Variants in STOX1 observed in about 807,000 individuals in gnomAD.
The protein encoded by STOX1 is storkhead box 1, also known as storkhead-box protein 1.
In STOX1, 57 loss-of-function variants were observed where a neutral mutation model predicts 74.8. That is an observed-to-expected ratio of 0.76 (90% CI 0.62 to 0.95). STOX1 has a LOEUF of 0.95. STOX1 is among the 40% of genes least tolerant of loss of function. The pLI is 0.00. For synonymous variants in STOX1, 375 were observed against 401.3 expected (o/e 0.93, Z 0.78); for missense variants, 1,010 against 1,117.0 (o/e 0.90, Z 1.37).
chr10:68,860,953 A>G (rs1840253362), intron 1 of STOX1, among the ~76,000 whole-genome samples: 1 of 152,070 alleles, frequency 6.6e-6, no homozygotes, highest in Non-Finnish European at 1.5e-5. Flanking sequence ...TCACACCTGT[A>G]ATCCCAGCTC....
At position 68,886,407 on chromosome 10, in the gene STOX1, C is replaced by A. The variant is rs763974347; in HGVS notation, c.2611C>A (p.Gln871Lys). The part of the protein sequence containing the change: ...RKASFEAEVI[Q>K]DTIGDTGKKP... ...AGCCAGTTTTGAAGCTGAAGTCATA[C>A]AAGACACTATTGGTGACACAGGAAA... Residue 871 changes from glutamine (Q) to lysine (K), a missense_variant, in exon 3 of 4, where the codon CAA (glutamine) becomes AAA (lysine). Coordinates refer to ENST00000298596, the MANE Select transcript of STOX1 (RefSeq NM_152709.5). 30 of 1,614,082 alleles carry A rather than the reference C, an allele frequency of 1.9e-5. No homozygotes were observed. The highest frequency in any genetic ancestry group is 2.5e-5 in the Non-Finnish European group (30 of 1,180,042).
At chr10:68,871,460 ACTC>A (rs1190767264) in intron 1 of STOX1, among the ~76,000 whole-genome samples, 20 of 151,982 alleles carry the variant, frequency 1.3e-4, no homozygotes, top group African/African-American at 4.8e-4. Context: ...ATTACTAAGG[ACTC>A]CTGCTGTTGA....
chr10:68,887,400 A>G (rs2132001383), intron 3 of STOX1, among the ~76,000 whole-genome samples: 1 of 152,148 alleles, frequency 6.6e-6, no homozygotes, highest in Middle Eastern at 3.4e-3. Context: ...CTCCTATCTC[A>G]TCCTCCCGAG....
chr10:68,894,381 C>G (rs1484830460), downstream of STOX1, among the ~76,000 whole-genome samples: 1 of 152,134 alleles, frequency 6.6e-6, no homozygotes, highest in Non-Finnish European at 1.5e-5. Context: ...CTGACTCTCA[C>G]CATACTGACA....
chr10:68,862,914 A>G (rs943128391), intron 1 of STOX1, among the ~76,000 whole-genome samples: 2 of 152,092 alleles, frequency 1.3e-5, no homozygotes, highest in African/African-American at 4.8e-5. Context: ...TGAGGGCGGT[A>G]TGCCTCAATT....
intron 1 of STOX1, among the ~76,000 whole-genome samples, chr10:68,863,941 C>CT (rs1589227688): frequency 7.4e-6 from 1 of 135,854 alleles, no homozygotes; most frequent in East Asian, 2.1e-4. Flanking sequence ...TTTTTTTTCT[C>CT]TGAGACAAAG....
At chr10:68,833,851 C>T (rs150915747) in intron 1 of STOX1, among the ~76,000 whole-genome samples, 2,054 of 152,324 alleles carry the variant, frequency 0.013, 26 homozygotes, top group South Asian at 0.022. Context: ...TGAGCCATTG[C>T]ACCCGGCCCG....
At chr10:68,886,654 C>T (rs374329851) in intron 3 of STOX1, 36 bp downstream of exon 3, 112 of 1,592,362 alleles carry the variant, frequency 7.0e-5, no homozygotes, top group African/African-American at 4.7e-4. Flanking sequence ...TTAGGCCGGG[C>T]GCAGTGGCTC....
At chr10:68,837,136 C>G (rs1839577137) in intron 1 of STOX1, among the ~76,000 whole-genome samples, 4 of 152,128 alleles carry the variant, frequency 2.6e-5, no homozygotes, top group Admixed American at 2.6e-4. Context: ...GTCTAGGGAG[C>G]AGATGGATGA....
chr10:68,873,641 CT>C (rs1306258176), intron 1 of STOX1, among the ~76,000 whole-genome samples: 4 of 70,294 alleles, frequency 5.7e-5, no homozygotes, highest in South Asian at 4.8e-4. Flanking sequence ...TCTTCTTCTT[CT>C]TTTTTTTTCT....
At chr10:68,846,119 T>TTTATTATTATTA (rs201726154) in intron 1 of STOX1, among the ~76,000 whole-genome samples, 5,477 of 135,750 alleles carry the variant, frequency 0.04, 126 homozygotes, top group Non-Finnish European at 0.05. Flanking sequence ...GCTTGAGGTT[T>TTTATTATTATTA]TTATTATTAT....
intron 1 of STOX1, among the ~76,000 whole-genome samples, chr10:68,863,275 G>A (rs189123723): frequency 9.9e-5 from 15 of 152,230 alleles, no homozygotes; most frequent in African/African-American, 3.6e-4. Flanking sequence ...AGCCCTTGCT[G>A]AAGGAATACT....
intron 1 of STOX1, among the ~76,000 whole-genome samples, chr10:68,868,963 G>A (rs1840471692): frequency 6.6e-6 from 1 of 152,162 alleles, no homozygotes; most frequent in African/African-American, 2.4e-5. Context: ...CTCAAAGAGG[G>A]TACACTGACA....
intron 1 of STOX1, among the ~76,000 whole-genome samples, chr10:68,841,842 C>T (rs1038966403): frequency 2.6e-5 from 4 of 152,144 alleles, no homozygotes; most frequent in African/African-American, 9.7e-5. Flanking sequence ...TGGAGGCGTT[C>T]CTGGGAAACT....
chr10:68,858,014 G>T (rs187076601), intron 1 of STOX1, among the ~76,000 whole-genome samples: 10 of 152,232 alleles, frequency 6.6e-5, no homozygotes, highest in African/African-American at 2.2e-4. Flanking sequence ...ATTTAAAAGA[G>T]ATGTTGGAGC....
intron 3 of STOX1, among the ~76,000 whole-genome samples, chr10:68,891,467 G>T (rs1841095199): frequency 1.3e-5 from 2 of 152,134 alleles, no homozygotes; most frequent in Admixed American, 1.3e-4. Flanking sequence ...TAATGTAATG[G>T]ACAGTTGATG....
intron 1 of STOX1, among the ~76,000 whole-genome samples, chr10:68,838,698 C>T (rs1448943367): frequency 6.6e-6 from 1 of 152,058 alleles, no homozygotes; most frequent in Non-Finnish European, 1.5e-5. Flanking sequence ...ATCATGAGGT[C>T]AGGAGATTGA....
chr10:68,830,438 G>T (rs1403042012), intron 1 of STOX1, among the ~76,000 whole-genome samples: 1 of 152,110 alleles, frequency 6.6e-6, no homozygotes, highest in Non-Finnish European at 1.5e-5. Context: ...CACCTCCTGG[G>T]TTCAAGTGCT....
chr10:68,868,298 C>A (rs1289170881), intron 1 of STOX1, among the ~76,000 whole-genome samples: 1 of 152,216 alleles, frequency 6.6e-6, no homozygotes, highest in Non-Finnish European at 1.5e-5. Context: ...AGATAAACAT[C>A]GTTTCTGCAG....
Sources: gnomAD v4.1 joint callset for allele counts (sites outside exome capture counted in the v4.1 genomes callset) on GRCh38, gnomAD v4.1.1 for gene constraint, MANE v1.5 for transcripts, NCBI Gene and HGNC (gene_info 2026-07-23, HGNC 2026-07-21) for gene names.